Variants in GRM1 observed in about 807,000 individuals in gnomAD.
GRM1 encodes the protein metabotropic glutamate receptor 1.
In GRM1, 33 loss-of-function variants were observed where a neutral mutation model predicts 90.9. That is an observed-to-expected ratio of 0.36 (90% CI 0.28 to 0.49). GRM1 has a LOEUF of 0.49. GRM1 is among the 20% of genes least tolerant of loss of function. GRM1 has a pLI of 0.99. For missense variants in GRM1, 1,190 were observed against 1,534.3 expected (o/e 0.78, Z 3.75); for synonymous variants, 700 against 613.2 (o/e 1.14, Z -2.09).
rs362968 is a variant in GRM1 at position 146,325,607 on chromosome 6, G to C, written c.1186+20761G>C. ...CATGTGCAGAGGTTAAGGAAACATT[G>C]TTATGTAGCAAACGGCTAGGAATCC... On this transcript the variant is annotated intron_variant, in intron 3 of 7. Transcript: ENST00000282753. Among the ~76,000 whole-genome samples the C allele has an allele frequency of 7.7e-4, 118 of 152,284 alleles. 2 individuals are homozygous for C. Among genetic ancestry groups the C allele is most frequent in the African/African-American group, 2.7e-3 (111 of 41,546 alleles).
chr6:146,044,116 G>T (rs1374796073), intron 1 of GRM1, among the ~76,000 whole-genome samples: 1 of 151,878 alleles, frequency 6.6e-6, no homozygotes, highest in Non-Finnish European at 1.5e-5. Flanking sequence ...ATGAGGCTGT[G>T]TTTGGACATT....
At chr6:146,232,412 A>G (rs1358569744) in intron 2 of GRM1, among the ~76,000 whole-genome samples, 1 of 152,082 alleles carries the variant, frequency 6.6e-6, no homozygotes, top group African/African-American at 2.4e-5. Context: ...GGTACATAGT[A>G]GATGCATATA....
intron 2 of GRM1, among the ~76,000 whole-genome samples, chr6:146,223,511 CAT>C (rs1168429668): frequency 2.6e-5 from 4 of 152,010 alleles, no homozygotes; most frequent in Non-Finnish European, 5.9e-5. Flanking sequence ...GACCTCAAGA[CAT>C]GTGTTTGAGA....
intron 1 of GRM1, among the ~76,000 whole-genome samples, chr6:146,148,983 G>A (rs747780122): frequency 6.6e-6 from 1 of 152,124 alleles, no homozygotes; most frequent in East Asian, 1.9e-4. Flanking sequence ...AGTGGGAAAT[G>A]CTGGGTTTTT....
intron 2 of GRM1, among the ~76,000 whole-genome samples, chr6:146,267,214 G>A (rs879145653): frequency 6.6e-6 from 1 of 152,172 alleles, no homozygotes; most frequent in Non-Finnish European, 1.5e-5. Flanking sequence ...CAAAGGCCAT[G>A]ATCTCATTCC....
At chr6:146,089,635 G>T (rs1415235096) in intron 1 of GRM1, among the ~76,000 whole-genome samples, 1 of 151,974 alleles carries the variant, frequency 6.6e-6, no homozygotes, top group Non-Finnish European at 1.5e-5. Flanking sequence ...TTATTTTATG[G>T]ATAGATTTTC....
chr6:146,032,275 T>C (rs967101455), intron 1 of GRM1, among the ~76,000 whole-genome samples: 1 of 152,166 alleles, frequency 6.6e-6, no homozygotes, highest in Admixed American at 6.5e-5. Context: ...AACAGCATCA[T>C]AGAAATATGT....
intron 5 of GRM1, among the ~76,000 whole-genome samples, chr6:146,367,338 G>T (rs973685177): frequency 9.9e-5 from 15 of 152,240 alleles, no homozygotes; most frequent in African/African-American, 3.6e-4. Flanking sequence ...ATAGTGTGAT[G>T]TCTCCAGCTT....
chr6:146,062,491 A>G (rs1775707413), intron 1 of GRM1, among the ~76,000 whole-genome samples: 1 of 94,722 alleles, frequency 1.1e-5, no homozygotes, highest in African/African-American at 3.7e-5. Context: ...TTAAAGTATA[A>G]CAATAAAATA....
chr6:146,190,873 A>G (rs761596807), intron 2 of GRM1, among the ~76,000 whole-genome samples: 7 of 152,244 alleles, frequency 4.6e-5, no homozygotes, highest in Admixed American at 6.5e-5. Flanking sequence ...ACATTGCTAT[A>G]TCAAAACACA....
intron 2 of GRM1, among the ~76,000 whole-genome samples, chr6:146,245,146 A>G (rs1213055884): frequency 6.6e-6 from 1 of 152,238 alleles, no homozygotes; most frequent in Non-Finnish European, 1.5e-5. Context: ...CAAACAAACA[A>G]TTGAAAATAT....
chr6:146,066,295 C>G (rs1775845407), intron 1 of GRM1, among the ~76,000 whole-genome samples: 3 of 152,130 alleles, frequency 2.0e-5, no homozygotes, highest in African/African-American at 7.2e-5. Flanking sequence ...GATTTTAGCT[C>G]CCATTTATAA....
chr6:146,092,483 A>T (rs1259587325), intron 1 of GRM1, among the ~76,000 whole-genome samples: 1 of 152,054 alleles, frequency 6.6e-6, no homozygotes, highest in Non-Finnish European at 1.5e-5. Flanking sequence ...TTGGTATTGT[A>T]TTATCTTTAG....
intron 1 of GRM1, among the ~76,000 whole-genome samples, chr6:146,041,832 G>T (rs1488215458): frequency 1.3e-5 from 2 of 151,906 alleles, no homozygotes. Flanking sequence ...CCACCATTTT[G>T]GTGATGTCAT....
At chr6:146,401,262 A>G (rs1403841580) in intron 7 of GRM1, among the ~76,000 whole-genome samples, 1 of 152,108 alleles carries the variant, frequency 6.6e-6, no homozygotes, top group Non-Finnish European at 1.5e-5. Context: ...ACTTCTTGGT[A>G]TATCAATTTT....
intron 1 of GRM1, among the ~76,000 whole-genome samples, chr6:146,124,636 T>C (rs1776126575): frequency 6.6e-6 from 1 of 152,182 alleles, no homozygotes; most frequent in Admixed American, 6.5e-5. Flanking sequence ...TACTACAATA[T>C]GGTACAACCA....
chr6:146,106,639 A>G (rs1775313311), intron 1 of GRM1, among the ~76,000 whole-genome samples: 1 of 152,220 alleles, frequency 6.6e-6, no homozygotes, highest in Non-Finnish European at 1.5e-5. Flanking sequence ...AGAAATTTGT[A>G]TTCAGCAGCC....
At chr6:146,124,920 C>T (rs1776141395) in intron 1 of GRM1, among the ~76,000 whole-genome samples, 1 of 152,082 alleles carries the variant, frequency 6.6e-6, no homozygotes, top group Non-Finnish European at 1.5e-5. Flanking sequence ...TTTAAAATTC[C>T]AGTTCCTCAT....
intron 2 of GRM1, among the ~76,000 whole-genome samples, chr6:146,251,898 G>T (rs1184757372): frequency 1.3e-5 from 2 of 152,028 alleles, no homozygotes; most frequent in Admixed American, 6.6e-5. Flanking sequence ...ACTTCTCTCT[G>T]CCTGAATTGC....
Sources: gnomAD v4.1 joint callset for allele counts (sites outside exome capture counted in the v4.1 genomes callset) on GRCh38, gnomAD v4.1.1 for gene constraint, MANE v1.5 for transcripts, NCBI Gene and HGNC (gene_info 2026-07-23, HGNC 2026-07-21) for gene names.